Variants in KCND3 observed in about 807,000 individuals in gnomAD.
The protein encoded by KCND3 is potassium voltage-gated channel subfamily D member 3, also known as A-type voltage-gated potassium channel KCND3.
A neutral mutation model predicts 51.1 loss-of-function variants in KCND3; 9 were observed. The observed-to-expected ratio is 0.18, with a 90% CI of 0.11 to 0.31. The LOEUF (loss-of-function observed/expected upper bound fraction) is 0.31. Ranked by LOEUF, KCND3 falls within the 10% of genes least tolerant of loss-of-function variation. The probability of loss-of-function intolerance (pLI) is 1.00; values close to 1 mark genes in which losing one functional copy is unlikely to be tolerated. For missense variants in KCND3, 526 were observed against 903.8 expected (o/e 0.58, Z 5.36); for synonymous variants, 349 against 368.0 (o/e 0.95, Z 0.59).
chr1:111,902,404 C>T lies in KCND3; in HGVS notation c.1106+79217G>A, dbSNP rs572718518. 1.5e-4 allele frequency among the ~76,000 whole-genome samples: 23 copies of T among 152,278 alleles called. No individual in the cohort carries two copies. In the East Asian group the frequency reaches 2.9e-3, roughly 19 times the overall value. On this transcript the variant is annotated intron_variant, in intron 2 of 7. Coordinates refer to ENST00000302127, the MANE Select transcript of KCND3 (RefSeq NM_001378969.1). ...AGGCACCCTGGGACAAAGGTGAGTG[C>T]GGATGAGGGACACAGGGAGTGTGGC...
chr1:111,877,927 G>A (rs887342834), intron 2 of KCND3, among the ~76,000 whole-genome samples: 5 of 152,132 alleles, frequency 3.3e-5, no homozygotes, highest in South Asian at 2.1e-4. Flanking sequence ...AACATTTACC[G>A]GGGCCCTACT....
chr1:111,970,734 TTAATCTTCTCA>T (rs1674282657), intron 2 of KCND3, among the ~76,000 whole-genome samples: 1 of 152,212 alleles, frequency 6.6e-6, no homozygotes, highest in Non-Finnish European at 1.5e-5. Context: ...GCACAATGTT[TTAATCTTCTCA>T]TAATCTTCTC....
intron 3 of KCND3, among the ~76,000 whole-genome samples, chr1:111,784,107 A>T (rs1484344887): frequency 4.6e-5 from 6 of 129,824 alleles, no homozygotes; most frequent in African/African-American, 2.1e-4. Context: ...AACTTATCAC[A>T]CACACACACA....
intron 2 of KCND3, among the ~76,000 whole-genome samples, chr1:111,812,352 G>A (rs550463304): frequency 6.6e-6 from 1 of 152,266 alleles, no homozygotes; most frequent in South Asian, 2.1e-4. Flanking sequence ...ATGATGGTGG[G>A]GTCCCTGGGC....
At chr1:111,960,049 A>G (rs1210359452) in intron 2 of KCND3, among the ~76,000 whole-genome samples, 1 of 152,080 alleles carries the variant, frequency 6.6e-6, no homozygotes, top group Non-Finnish European at 1.5e-5. Flanking sequence ...AAAGAAAAAA[A>G]AAAAAGCGTT....
rs554592753 is a variant in KCND3 at position 111,919,985 on chromosome 1, C to T, written c.1106+61636G>A. Among the ~76,000 whole-genome samples, 100 of 152,348 alleles carry T rather than the reference C, an allele frequency of 6.6e-4. 2 individuals carry two copies. The highest frequency in any genetic ancestry group is 2.3e-3 in the African/African-American group (96 of 41,574). ...TTAGGAGCTCAGGTTGCTGCTATAACATCTCCCTCTCGTCTCTACTTCTTA... is the reference window on the plus strand; with the variant it reads ...TTAGGAGCTCAGGTTGCTGCTATAATATCTCCCTCTCGTCTCTACTTCTTA... On this transcript the variant is annotated intron_variant, in intron 2 of 7. Coordinates refer to ENST00000302127, the MANE Select transcript of KCND3 (RefSeq NM_001378969.1).
intron 7 of KCND3, 68 bp downstream of exon 7, chr1:111,776,958 T>C (rs1664142271): frequency 6.2e-7 from 1 of 1,608,364 alleles, no homozygotes; most frequent in Non-Finnish European, 8.5e-7. Context: ...CTCCTAATGC[T>C]GCAATTGTCT....
At chr1:111,803,776 G>A (rs962358227) in intron 2 of KCND3, among the ~76,000 whole-genome samples, 1 of 151,958 alleles carries the variant, frequency 6.6e-6, no homozygotes, top group East Asian at 1.9e-4. Context: ...CACCCTCTCC[G>A]GTTTTGTATA....
At chr1:111,782,624 G>C (rs532705736) in intron 3 of KCND3, among the ~76,000 whole-genome samples, 4 of 152,100 alleles carry the variant, frequency 2.6e-5, no homozygotes, top group Non-Finnish European at 1.5e-5. Context: ...AGTTTCATAT[G>C]GAAATCCAAT....
chr1:111,801,556 C>T (rs536036962), intron 2 of KCND3, among the ~76,000 whole-genome samples: 21 of 152,280 alleles, frequency 1.4e-4, no homozygotes, highest in African/African-American at 3.9e-4. Context: ...AGAGGCAAAA[C>T]GGTAGCGGTA....
At chr1:111,947,319 TA>T (rs1672824686) in intron 2 of KCND3, among the ~76,000 whole-genome samples, 1 of 152,226 alleles carries the variant, frequency 6.6e-6, no homozygotes, top group African/African-American at 2.4e-5. Context: ...TTCCAGGTGC[TA>T]GGGATATAAC....
chr1:111,930,643 C>T (rs1557726447), intron 2 of KCND3, among the ~76,000 whole-genome samples: 1 of 149,628 alleles, frequency 6.7e-6, no homozygotes, highest in Non-Finnish European at 1.5e-5. Context: ...CATAAAGCAC[C>T]ACTGGCTGCA....
intron 2 of KCND3, among the ~76,000 whole-genome samples, chr1:111,789,249 T>C (rs566086223): frequency 3.3e-5 from 5 of 152,332 alleles, no homozygotes; most frequent in African/African-American, 1.2e-4. Flanking sequence ...TGCCTCCTGC[T>C]GGGGCAGATG....
intron 2 of KCND3, among the ~76,000 whole-genome samples, chr1:111,851,737 T>C (rs998515525): frequency 1.3e-5 from 2 of 152,262 alleles, no homozygotes; most frequent in African/African-American, 2.4e-5. Flanking sequence ...GCAGGGAATC[T>C]GGCACAATGC....
At chr1:111,902,357 G>C (rs1437937645) in intron 2 of KCND3, among the ~76,000 whole-genome samples, 1 of 152,200 alleles carries the variant, frequency 6.6e-6, no homozygotes, top group Non-Finnish European at 1.5e-5. Flanking sequence ...TGGAGCAACA[G>C]ACAGCAATTT....
At chr1:111,812,711 G>A (rs150039571) in intron 2 of KCND3, among the ~76,000 whole-genome samples, 1 of 152,274 alleles carries the variant, frequency 6.6e-6, no homozygotes, top group African/African-American at 2.4e-5. Context: ...CAGTAGAAGT[G>A]GGCCTCAAAC....
intron 2 of KCND3, among the ~76,000 whole-genome samples, chr1:111,938,830 T>G (rs571691652): frequency 6.6e-6 from 1 of 152,186 alleles, no homozygotes; most frequent in African/African-American, 2.4e-5. Flanking sequence ...GACTCTGGCT[T>G]TTACTCAAAG....
intron 2 of KCND3, among the ~76,000 whole-genome samples, chr1:111,912,238 A>T (rs1249683492): frequency 6.6e-6 from 1 of 152,240 alleles, no homozygotes; most frequent in Non-Finnish European, 1.5e-5. Context: ...GATGGCGTAT[A>T]TGATGGTGGT....
At chr1:111,839,874 T>C (rs997753872) in intron 2 of KCND3, among the ~76,000 whole-genome samples, 2 of 152,258 alleles carry the variant, frequency 1.3e-5, no homozygotes, top group Non-Finnish European at 2.9e-5. Context: ...AAGTGCCCTT[T>C]TTTGGCTGGA....
Sources: allele counts gnomAD v4.1 joint callset (sites outside exome capture counted in the v4.1 genomes callset), GRCh38; gene constraint gnomAD v4.1.1; transcripts MANE v1.5; gene names NCBI Gene and HGNC (gene_info 2026-07-23, HGNC 2026-07-21).